FAM13B: variants seen among roughly 807,000 people sequenced by gnomAD.
FAM13B encodes protein FAM13B.
A neutral mutation model predicts 117.3 loss-of-function variants in FAM13B; 60 were observed. That is an observed-to-expected ratio of 0.51 (90% CI 0.42 to 0.63). The LOEUF (loss-of-function observed/expected upper bound fraction) is 0.63, where lower values mean the gene tolerates loss of function less well. Ranked by LOEUF, FAM13B falls within the 30% of genes least tolerant of loss-of-function variation. The pLI is 0.00. For synonymous variants in FAM13B, 332 were observed against 356.1 expected (o/e 0.93, Z 0.76); for missense variants, 972 against 1,091.9 (o/e 0.89, Z 1.55).
At chr5:137,963,544 T>C (rs1215575473) in intron 10 of FAM13B, among the ~76,000 whole-genome samples, 1 of 152,354 alleles carries the variant, frequency 6.6e-6, no homozygotes, top group East Asian at 1.9e-4. Flanking sequence ...GGATCTTCAA[T>C]ATTTTTAAGA....
At chr5:138,000,320 G>C (rs912985720) in intron 7 of FAM13B, among the ~76,000 whole-genome samples, 1 of 152,076 alleles carries the variant, frequency 6.6e-6, no homozygotes. Context: ...GATTGCTTGA[G>C]CCTGAAAGGT....
chr5:138,011,774 A>G lies in FAM13B; in HGVS notation c.542T>C (p.Val181Ala). ...NSLAAVFGPD[V>A]FHIYTDVEDM... Reference sequence around the variant, plus strand: ...AATTTTTTAAACAACTTACTGGAAGACATCTGGACCAAAGACAGCAGCCAA... The same window carrying G: ...AATTTTTTAAACAACTTACTGGAAGGCATCTGGACCAAAGACAGCAGCCAA... Residue 181 changes from valine (V) to alanine (A), a missense_variant, in exon 5 of 24, where the codon GTC becomes GCC. By Grantham distance (64) the Val-to-Ala change is moderately conservative. Transcript: ENST00000689681. 1 of 1,606,228 alleles carries G rather than the reference A, an allele frequency of 6.2e-7. No individual in the cohort carries two copies. The highest frequency in any genetic ancestry group is 8.5e-7 in the Non-Finnish European group (1 of 1,177,528).
intron 10 of FAM13B, among the ~76,000 whole-genome samples, chr5:137,973,057 C>T (rs1217015437): frequency 6.6e-6 from 1 of 152,076 alleles, no homozygotes; most frequent in African/African-American, 2.4e-5. Context: ...AGATTCAATG[C>T]CATCCCCATC....
chr5:137,947,548 C>A (rs920593483), intron 18 of FAM13B, among the ~76,000 whole-genome samples: 1 of 151,920 alleles, frequency 6.6e-6, no homozygotes, highest in Admixed American at 6.6e-5. Flanking sequence ...TAGTGAGACA[C>A]GATTTCTACC....
intron 7 of FAM13B, among the ~76,000 whole-genome samples, chr5:137,994,051 T>C (rs992647081): frequency 2.0e-5 from 3 of 152,352 alleles, no homozygotes; most frequent in Admixed American, 2.0e-4. Context: ...TGGCCTTAAA[T>C]TGAATAGATC....
intron 7 of FAM13B, among the ~76,000 whole-genome samples, chr5:138,000,304 T>C (rs1780898037): frequency 1.3e-5 from 2 of 151,998 alleles, no homozygotes; most frequent in Middle Eastern, 3.4e-3. Context: ...CAAGCTGAGG[T>C]GGGAGGATTG....
intron 15 of FAM13B, 105 bp from the exon 16 acceptor site, chr5:137,953,570 A>G (rs1765625162): frequency 8.3e-7 from 1 of 1,206,434 alleles, no homozygotes; most frequent in African/African-American, 1.5e-5. Context: ...TCTTAAAGGT[A>G]AAAATAAGTC....
In FAM13B at chr5:137,952,612, A is replaced by G; in HGVS notation, c.1930+16T>C. Reference sequence around the variant, plus strand: ...TTTTAAAATGCAAATATATTACAAAATGGCACATAATATACCTTTAATTTG... The same window carrying G: ...TTTTAAAATGCAAATATATTACAAAGTGGCACATAATATACCTTTAATTTG... On this transcript the variant is annotated intron_variant, in intron 17 of 23. Coordinates refer to ENST00000689681, the MANE Select transcript of FAM13B (RefSeq NM_001385994.1). 2.0e-6 allele frequency: 3 copies of G among 1,494,596 alleles called. No individual in the cohort carries two copies. Among genetic ancestry groups the G allele is most frequent in the Non-Finnish European group, 2.7e-6 (3 of 1,108,494 alleles). 92.6% of individuals were successfully genotyped at this position (1,494,596 alleles called of 1,614,324 possible). A position where few individuals can be genotyped will look rare whatever the true frequency, so the allele number is the denominator to read the frequency against.
At chr5:138,031,405 G>A (rs909506013) in intron 1 of FAM13B, among the ~76,000 whole-genome samples, 2 of 152,172 alleles carry the variant, frequency 1.3e-5, no homozygotes, top group African/African-American at 2.4e-5. Context: ...AGTAAGAAGG[G>A]GGCAAGGCAC....
intron 10 of FAM13B, among the ~76,000 whole-genome samples, chr5:137,974,168 C>T (rs1773184662): frequency 6.7e-6 from 1 of 150,354 alleles, no homozygotes; most frequent in Admixed American, 6.6e-5. Context: ...ATGTTTATTG[C>T]AGCATTATTC....
At chr5:137,962,606 T>A in intron 10 of FAM13B, 137 bp from the exon 11 acceptor site, 1 of 659,436 alleles carries the variant, frequency 1.5e-6, no homozygotes, top group Non-Finnish European at 2.5e-6. Context: ...TAGTCTGTAG[T>A]ACTTAGCATC....
intron 13 of FAM13B, among the ~76,000 whole-genome samples, 156 bp from the exon 14 acceptor site, chr5:137,956,698 C>T (rs1766658965): frequency 6.8e-6 from 1 of 147,372 alleles, no homozygotes; most frequent in African/African-American, 2.5e-5. Context: ...GAAATCACTA[C>T]TAACTAGATT....
intron 13 of FAM13B, among the ~76,000 whole-genome samples, chr5:137,958,971 GT>G (rs1767349677): frequency 2.0e-5 from 3 of 152,238 alleles, no homozygotes; most frequent in Middle Eastern, 3.4e-3. Flanking sequence ...TTTGTTTACA[GT>G]TTTTTATCCT....
chr5:137,951,489 T>C (rs576730950), intron 17 of FAM13B, among the ~76,000 whole-genome samples: 1 of 151,704 alleles, frequency 6.6e-6, no homozygotes, highest in Non-Finnish European at 1.5e-5. Flanking sequence ...AGACCCCAAC[T>C]CTATACAAAA....
At chr5:137,953,784 T>C (rs1765674050) in intron 15 of FAM13B, among the ~76,000 whole-genome samples, 1 of 152,206 alleles carries the variant, frequency 6.6e-6, no homozygotes, top group Non-Finnish European at 1.5e-5. Flanking sequence ...TTCAGATCCA[T>C]TTAAAGCTTT....
chr5:138,016,540 G>A (rs1785309736), intron 4 of FAM13B, among the ~76,000 whole-genome samples: 4 of 152,184 alleles, frequency 2.6e-5, no homozygotes, highest in African/African-American at 4.8e-5. Flanking sequence ...AGGCTGAGGC[G>A]AGAGGATCAC....
chr5:138,042,761 T>C (rs939474462), intron 1 of FAM13B, among the ~76,000 whole-genome samples: 1 of 152,064 alleles, frequency 6.6e-6, no homozygotes, highest in South Asian at 2.1e-4. Context: ...ATTCTTGATA[T>C]GAGCTGTGGT....
At chr5:137,987,715 G>A in intron 8 of FAM13B, 99 bp from the exon 9 acceptor site, 9 of 1,148,502 alleles carry the variant, frequency 7.8e-6, no homozygotes, top group South Asian at 7.7e-5. Flanking sequence ...AAACTATTAT[G>A]GTACTTAAAT....
chr5:137,943,060 G>A (rs1287500684), intron 21 of FAM13B, 22 bp from the exon 22 acceptor site: 2 of 1,612,600 alleles, frequency 1.2e-6, no homozygotes, highest in African/African-American at 1.3e-5. Flanking sequence ...TCCAAACAGA[G>A]AATCAAACAT....
Sources: allele counts gnomAD v4.1 joint callset (sites outside exome capture counted in the v4.1 genomes callset), GRCh38; gene constraint gnomAD v4.1.1; transcripts MANE v1.5; gene names NCBI Gene and HGNC (gene_info 2026-07-23, HGNC 2026-07-21).